ERC2: variants seen among roughly 807,000 people sequenced by gnomAD.
ERC2 encodes the protein ERC protein 2.
A neutral mutation model predicts 114.8 loss-of-function variants in ERC2; 42 were observed. That is an observed-to-expected ratio of 0.37 (90% CI 0.29 to 0.47). The LOEUF is 0.47. ERC2 is among the 20% of genes least tolerant of loss of function. The pLI is 0.99. For synonymous variants in ERC2, 454 were observed against 425.5 expected (o/e 1.07, Z -0.82); for missense variants, 939 against 1,150.7 (o/e 0.82, Z 2.66).
chr3:55,554,362 G>A (rs1359261550), intron 17 of ERC2, among the ~76,000 whole-genome samples: 1 of 152,210 alleles, frequency 6.6e-6, no homozygotes, highest in Non-Finnish European at 1.5e-5. Flanking sequence ...ACTGCTTTAT[G>A]GGAGCTGATG....
At chr3:55,682,002 CT>C (rs2062079120) in intron 17 of ERC2, among the ~76,000 whole-genome samples, 1 of 152,250 alleles carries the variant, frequency 6.6e-6, no homozygotes, top group Non-Finnish European at 1.5e-5. Context: ...CAAGTAGGAT[CT>C]ACACTTTTCA....
At chr3:56,293,354 C>T (rs571162007) in intron 3 of ERC2, among the ~76,000 whole-genome samples, 1 of 152,298 alleles carries the variant, frequency 6.6e-6, no homozygotes, top group African/African-American at 2.4e-5. Context: ...CAGAGGTGTG[C>T]CAGTAAACCA....
chr3:56,291,221 G>C (rs2055062294), intron 3 of ERC2, among the ~76,000 whole-genome samples: 1 of 152,170 alleles, frequency 6.6e-6, no homozygotes, highest in African/African-American at 2.4e-5. Context: ...GAAAAAGCTA[G>C]AGAACAAGGT....
chr3:56,151,907 T>C (rs538556627), intron 4 of ERC2, among the ~76,000 whole-genome samples: 4 of 152,204 alleles, frequency 2.6e-5, no homozygotes, highest in Non-Finnish European at 5.9e-5. Context: ...TAAAGCAACA[T>C]TTTACGCCCT....
chr3:56,024,136 A>G (rs2149602715), intron 7 of ERC2, among the ~76,000 whole-genome samples: 1 of 152,354 alleles, frequency 6.6e-6, no homozygotes, highest in East Asian at 1.9e-4. Flanking sequence ...CTAAAGCAAC[A>G]GAAACAGCTC....
At chr3:56,312,767 T>C (rs2056654363) in intron 2 of ERC2, among the ~76,000 whole-genome samples, 1 of 151,274 alleles carries the variant, frequency 6.6e-6, no homozygotes, top group Non-Finnish European at 1.5e-5. Context: ...GAGGAGTCTG[T>C]GATAAATCTT....
intron 14 of ERC2, among the ~76,000 whole-genome samples, chr3:55,832,288 C>G (rs1177668518): frequency 1.3e-5 from 2 of 152,246 alleles, no homozygotes; most frequent in African/African-American, 2.4e-5. Context: ...GATCTGAGAA[C>G]AGGCAGACTG....
At chr3:56,246,213 C>T (rs1349219880) in intron 3 of ERC2, among the ~76,000 whole-genome samples, 1 of 151,914 alleles carries the variant, frequency 6.6e-6, no homozygotes, top group Non-Finnish European at 1.5e-5. Flanking sequence ...GTTTATTAGG[C>T]TCTAAATAAG....
intron 14 of ERC2, among the ~76,000 whole-genome samples, chr3:55,767,154 T>C (rs369288544): frequency 2.6e-5 from 4 of 152,196 alleles, no homozygotes; most frequent in East Asian, 3.8e-4. Flanking sequence ...CTGATACCAG[T>C]TGGAGAGGTG....
chr3:55,923,845 C>T (rs750926322), intron 13 of ERC2, among the ~76,000 whole-genome samples: 26 of 152,148 alleles, frequency 1.7e-4, no homozygotes, highest in Non-Finnish European at 2.9e-4. Flanking sequence ...ACAGCACTGC[C>T]TTGCACTGAG....
intron 14 of ERC2, among the ~76,000 whole-genome samples, chr3:55,753,165 G>A (rs1350012196): frequency 6.6e-6 from 1 of 152,024 alleles, no homozygotes; most frequent in Non-Finnish European, 1.5e-5. Flanking sequence ...GCTCCTGGAT[G>A]GGCTGTGATT....
intron 14 of ERC2, among the ~76,000 whole-genome samples, chr3:55,765,782 G>A (rs1354669807): frequency 6.6e-6 from 1 of 152,166 alleles, no homozygotes; most frequent in East Asian, 1.9e-4. Context: ...TCTTGTCCAC[G>A]TCTGTAACGT....
At chr3:55,984,028 C>T (rs1002623583) in intron 12 of ERC2, among the ~76,000 whole-genome samples, 5 of 152,172 alleles carry the variant, frequency 3.3e-5, no homozygotes, top group Admixed American at 2.0e-4. Flanking sequence ...ATTCTTCCTA[C>T]ACTAAAAATA....
chr3:56,420,584 T>C (rs114135182), intron 2 of ERC2, among the ~76,000 whole-genome samples: 64 of 152,122 alleles, frequency 4.2e-4, no homozygotes, highest in Non-Finnish European at 7.8e-4. Context: ...AAGTCTCCAA[T>C]GAAACTAAGG....
At chr3:56,143,336 G>A (rs2149928978) in intron 5 of ERC2, among the ~76,000 whole-genome samples, 1 of 152,258 alleles carries the variant, frequency 6.6e-6, no homozygotes, top group South Asian at 2.1e-4. Context: ...AACCTGATAT[G>A]GTTTGGTTGT....
intron 11 of ERC2, among the ~76,000 whole-genome samples, chr3:55,989,780 C>T (rs774108972): frequency 3.3e-5 from 5 of 152,260 alleles, no homozygotes; most frequent in Admixed American, 6.5e-5. Flanking sequence ...CAGTATTGCA[C>T]GTCAAGTGCT....
At chr3:56,103,336 T>C (rs1428853548) in intron 6 of ERC2, among the ~76,000 whole-genome samples, 1 of 152,146 alleles carries the variant, frequency 6.6e-6, no homozygotes, top group Non-Finnish European at 1.5e-5. Context: ...GGTTTTATCT[T>C]GATGGCAATA....
At chr3:56,267,872 C>T (rs1004736188) in intron 3 of ERC2, among the ~76,000 whole-genome samples, 5 of 152,030 alleles carry the variant, frequency 3.3e-5, no homozygotes, top group Non-Finnish European at 7.4e-5. Flanking sequence ...TAATGTTCAG[C>T]ATGAGGACTA....
At chr3:55,824,408 A>C (rs2060248591) in intron 14 of ERC2, among the ~76,000 whole-genome samples, 1 of 152,166 alleles carries the variant, frequency 6.6e-6, no homozygotes, top group Non-Finnish European at 1.5e-5. Context: ...CCTTCCTTGG[A>C]CTGTTTATAT....
Sources: gnomAD v4.1 joint callset for allele counts (sites outside exome capture counted in the v4.1 genomes callset) on GRCh38, gnomAD v4.1.1 for gene constraint, MANE v1.5 for transcripts, NCBI Gene and HGNC (gene_info 2026-07-23, HGNC 2026-07-21) for gene names.